Variants in TRIM55 observed in about 807,000 individuals in gnomAD.
TRIM55 encodes tripartite motif-containing protein 55.
Under a neutral mutation model 60.9 loss-of-function variants are expected in TRIM55, and 50 were observed. The observed-to-expected ratio is 0.82, with a 90% CI of 0.65 to 1.04. The LOEUF is 1.04. Ranked by LOEUF, TRIM55 falls within the 50% of genes least tolerant of loss-of-function variation. TRIM55 has a pLI of 0.00. For synonymous variants in TRIM55, 237 were observed against 238.1 expected, an observed-to-expected ratio of 1.00 and a Z score of 0.04; for missense variants, 681 against 666.9, an observed-to-expected ratio of 1.02 and a Z score of -0.23.
intron 9 of TRIM55, among the ~76,000 whole-genome samples, chr8:66,159,039 T>A (rs1248836413): frequency 6.6e-6 from 1 of 152,224 alleles, no homozygotes; most frequent in Non-Finnish European, 1.5e-5. Context: ...TCAACTTTAT[T>A]GAGATATACA....
At chr8:66,172,299 C>T (rs1219776916) in intron 9 of TRIM55, among the ~76,000 whole-genome samples, 1 of 152,176 alleles carries the variant, frequency 6.6e-6, no homozygotes, top group Non-Finnish European at 1.5e-5. Context: ...TAGGCTAAGC[C>T]TCTTTGCACA....
At chr8:66,117,888 C>T in the TRIM55 span, among the ~76,000 whole-genome samples, 10 of 151,938 alleles carry the variant, frequency 6.6e-5, no homozygotes, top group South Asian at 2.1e-4. Flanking sequence ...CAGAGGAGGC[C>T]GGGCACGGTG....
At chr8:66,160,297 A>T (rs1810974215) in intron 9 of TRIM55, among the ~76,000 whole-genome samples, 1 of 151,880 alleles carries the variant, frequency 6.6e-6, no homozygotes, top group African/African-American at 2.4e-5. Flanking sequence ...CTCCAATTCC[A>T]TCCAGGTTGT....
intron 4 of TRIM55, among the ~76,000 whole-genome samples, chr8:66,138,830 A>G (rs1280492579): frequency 6.6e-6 from 1 of 152,260 alleles, no homozygotes; most frequent in Non-Finnish European, 1.5e-5. Flanking sequence ...CAAAATGCTT[A>G]GCACAGTGCC....
intron 9 of TRIM55, among the ~76,000 whole-genome samples, chr8:66,166,879 G>T (rs181451408): frequency 4.2e-4 from 64 of 152,250 alleles, no homozygotes; most frequent in Non-Finnish European, 2.2e-4. Flanking sequence ...TGGGACTGAG[G>T]CAAAAATCAG....
chr8:66,124,962 G>A (rs1808764306), upstream of TRIM55, among the ~76,000 whole-genome samples: 1 of 152,142 alleles, frequency 6.6e-6, no homozygotes, highest in South Asian at 2.1e-4. Flanking sequence ...GACTCACTGA[G>A]CTAAAGGAAG....
chr8:66,150,827 C>A (rs1223434566), intron 7 of TRIM55, among the ~76,000 whole-genome samples: 3 of 152,142 alleles, frequency 2.0e-5, no homozygotes, highest in Non-Finnish European at 4.4e-5. Context: ...CCACCACACC[C>A]GGCTAATTTT....
chr8:66,171,499 A>G (rs749565915), intron 9 of TRIM55, among the ~76,000 whole-genome samples: 1 of 152,152 alleles, frequency 6.6e-6, no homozygotes, highest in Non-Finnish European at 1.5e-5. Flanking sequence ...AAAACATGTG[A>G]CTGTAATATG....
At chr8:66,159,692 C>T (rs1303844321) in intron 9 of TRIM55, among the ~76,000 whole-genome samples, 2 of 152,182 alleles carry the variant, frequency 1.3e-5, no homozygotes, top group Non-Finnish European at 2.9e-5. Context: ...TACGTTCTAC[C>T]AGCTCATGGT....
chr8:66,132,660 G>C (rs16932544), intron 2 of TRIM55, among the ~76,000 whole-genome samples: 13,433 of 152,134 alleles, frequency 0.088, 981 homozygotes, highest in African/African-American at 0.2. Context: ...TGTGAGCTTG[G>C]CTGCTCTCAC....
At chr8:66,115,495 C>G in the TRIM55 span, among the ~76,000 whole-genome samples, 1 of 152,000 alleles carries the variant, frequency 6.6e-6, no homozygotes. Flanking sequence ...TTTAAGTGAC[C>G]GAAAGAGCAA....
At chr8:66,146,286 T>TA (rs910823522) in intron 4 of TRIM55, among the ~76,000 whole-genome samples, 6 of 151,790 alleles carry the variant, frequency 4.0e-5, no homozygotes, top group Non-Finnish European at 5.9e-5. Context: ...ATAAGTTATT[T>TA]AAAAAAACAG....
the TRIM55 span, among the ~76,000 whole-genome samples, chr8:66,117,824 G>A: frequency 1.3e-5 from 2 of 152,118 alleles, no homozygotes; most frequent in Non-Finnish European, 2.9e-5. Flanking sequence ...TGGGACTGTC[G>A]CTGCTTATTT....
upstream of TRIM55, among the ~76,000 whole-genome samples, chr8:66,124,666 G>T (rs1808753951): frequency 6.6e-6 from 1 of 152,234 alleles, no homozygotes; most frequent in African/African-American, 2.4e-5. Context: ...AAAGGGAAAA[G>T]TCAAGCTGGG....
At chr8:66,153,258 A>G (rs1229055419) in intron 8 of TRIM55, among the ~76,000 whole-genome samples, 1 of 152,168 alleles carries the variant, frequency 6.6e-6, no homozygotes, top group Non-Finnish European at 1.5e-5. Context: ...TTGTGTGTTG[A>G]CAGAATTGTT....
chr8:66,141,055 G>C (rs927417441), intron 4 of TRIM55, among the ~76,000 whole-genome samples: 7 of 152,084 alleles, frequency 4.6e-5, no homozygotes, highest in African/African-American at 1.7e-4. Context: ...GTCTAATTTT[G>C]TCCTAATCAT....
chr8:66,129,936 T>A (rs1415588151), intron 2 of TRIM55, among the ~76,000 whole-genome samples: 1 of 152,244 alleles, frequency 6.6e-6, no homozygotes, highest in African/African-American at 2.4e-5. Flanking sequence ...CCACAAATAT[T>A]CTTACGTAAC....
chr8:66,150,145 G>A (rs1245149779), intron 5 of TRIM55, 72 bp from the exon 6 acceptor site: 2 of 1,538,802 alleles, frequency 1.3e-6, no homozygotes, highest in African/African-American at 2.8e-5. Flanking sequence ...AGTCAACAAA[G>A]GAAATAATTG....
the TRIM55 span, among the ~76,000 whole-genome samples, chr8:66,118,072 A>G: frequency 6.8e-5 from 10 of 147,426 alleles, 1 homozygote; most frequent in Admixed American, 1.4e-4. Context: ...GGGAGGCTGA[A>G]GCAGGAGAAT....
Sources: gnomAD v4.1 joint callset for allele counts (sites outside exome capture counted in the v4.1 genomes callset) on GRCh38, gnomAD v4.1.1 for gene constraint, MANE v1.5 for transcripts, NCBI Gene and HGNC (gene_info 2026-07-23, HGNC 2026-07-21) for gene names.